The following TMEM201 variants were observed in gnomAD, a reference collection of about 807,000 sequenced individuals.
The protein encoded by TMEM201 is RP13-15M17.2.
A neutral mutation model predicts 63.4 loss-of-function variants in TMEM201; 26 were observed. The observed-to-expected ratio is 0.41, with a 90% CI of 0.30 to 0.57. The LOEUF (loss-of-function observed/expected upper bound fraction) is 0.57, where lower values mean the gene tolerates loss of function less well. TMEM201 is among the 20% of genes least tolerant of loss of function. The probability of loss-of-function intolerance (pLI) is 0.29; values close to 1 mark genes in which losing one functional copy is unlikely to be tolerated. For synonymous variants in TMEM201, 417 were observed against 421.6 expected, an observed-to-expected ratio of 0.99 and a Z score of 0.14; for missense variants, 794 against 917.7, an observed-to-expected ratio of 0.87 and a Z score of 1.74.
At chr1:9,591,163 G>A (rs541713225) in intron 1 of TMEM201, among the ~76,000 whole-genome samples, 22 of 152,332 alleles carry the variant, frequency 1.4e-4, no homozygotes, top group Non-Finnish European at 2.8e-4. Context: ...GAGTCCTCTC[G>A]CTTCCATGGT....
chr1:9,599,282 C>A (rs890579027), intron 4 of TMEM201, among the ~76,000 whole-genome samples: 1 of 151,886 alleles, frequency 6.6e-6, no homozygotes, highest in African/African-American at 2.4e-5. Context: ...CAGTTTCACA[C>A]TGTCGCCCAG....
chr1:9,604,696 C>A lies in TMEM201; in HGVS notation c.1160+2424C>A, dbSNP rs56394030. 0.11 allele frequency: 113,046 copies of A among 985,858 alleles called. 6,701 individuals are homozygous for A. Among genetic ancestry groups the A allele is most frequent in the East Asian group, 0.18 (1,622 of 8,792 alleles). 61.1% of individuals were successfully genotyped at this position (985,858 alleles called of 1,614,324 possible). On this transcript the variant is annotated intron_variant, in intron 6 of 10. Coordinates refer to ENST00000340381, the MANE Select transcript of TMEM201 (RefSeq NM_001130924.3). This position sits in a 1 kb window ranked among gnomAD's most constrained non-coding sequence, Gnocchi z 4.1. ...CTTGAGGTCCCCACCCAGGCCAAGC[C>A]GGCCCCCCGTACCCCTTGCCTGGGA... is the stretch of plus-strand genomic sequence containing the variant.
At position 9,597,047 on chromosome 1, in the gene TMEM201, C is replaced by T. The variant is rs368297464; in HGVS notation, c.423C>T (p.Arg141=). 1.6e-5 allele frequency: 25 copies of T among 1,602,276 alleles called. No individual in the cohort carries two copies. The highest frequency in any genetic ancestry group is 1.9e-5 in the Non-Finnish European group (22 of 1,172,196). ...AGCAGCTGGCCGCCTTCGCTCCCCGCGAGGAGGTGAGGCCGGGTTGGGAGG... is the reference window on the plus strand; with the variant it reads ...AGCAGCTGGCCGCCTTCGCTCCCCGTGAGGAGGTGAGGCCGGGTTGGGAGG... The part of the protein sequence containing the change: ...KIKQLAAFAP[R]EEGRYDEEVE... Residue 141 remains arginine (R), a synonymous_variant, in exon 3 of 11, where the codon CGC becomes CGT. Transcript: ENST00000340381.
Position 9,607,882 on chromosome 1 carries a change from T to A in TMEM201, c.1393+93T>A, listed in dbSNP as rs550227732. The A allele has an allele frequency of 5.0e-6, 6 of 1,211,284 alleles. No homozygotes were observed. In the East Asian group the frequency reaches 1.6e-4, roughly 31 times the overall value. The allele number at this position is 1,211,284 out of a possible 1,614,324, so 75.0% of individuals were successfully genotyped here. A position where few individuals can be genotyped will look rare whatever the true frequency, so the allele number is the denominator to read the frequency against. On this transcript the variant is annotated intron_variant, in intron 7 of 10. Coordinates refer to ENST00000340381, the MANE Select transcript of TMEM201 (RefSeq NM_001130924.3). The surrounding 1 kb of genome is among the most constrained non-coding windows in gnomAD (Gnocchi z 5.4). The stretch of plus-strand genomic sequence containing the variant: ...TACATAGTGTAGGGAGGGCCGGGAG[T>A]GGTTAGTGTTCCTGCTGCAGAGACA...
At position 9,589,012 on chromosome 1, in the gene TMEM201, G is replaced by A; in HGVS notation, c.82G>A (p.Ala28Thr). 1 of 1,174,520 alleles carries A rather than the reference G, an allele frequency of 8.5e-7. No individual in the cohort carries two copies. Among genetic ancestry groups the A allele is most frequent in the Non-Finnish European group, 1.1e-6 (1 of 945,748 alleles). 72.8% of individuals were successfully genotyped at this position (1,174,520 alleles called of 1,614,324 possible). Reference protein sequence around the residue: ...GGLGVTACAAAGVLLYRIARR... With the variant: ...GGLGVTACAATGVLLYRIARR... The stretch of plus-strand genomic sequence containing the variant: ...CCTGGGGGTCACGGCGTGCGCCGCG[G>A]CCGGCGTGTTGCTCTACCGGATCGC... The change falls in exon 1 of 11, where the codon GCC becomes ACC. Residue 28 changes from alanine to threonine, a missense_variant. By Grantham distance (58) the Ala-to-Thr change is moderately conservative. Transcript: ENST00000340381.
Position 9,588,999 on chromosome 1 carries a change from G to C in TMEM201, c.69G>C (p.Thr23=). The part of the protein sequence containing the change: ...TAGLAGGLGV[T]ACAAAGVLLY... The stretch of plus-strand genomic sequence containing the variant: ...GCCTGGCCGGCGGCCTGGGGGTCAC[G>C]GCGTGCGCCGCGGCCGGCGTGTTGC... The change falls in exon 1 of 11, where the codon ACG becomes ACC. Residue 23 remains threonine, a synonymous_variant. Transcript: ENST00000340381. 1.7e-6 allele frequency: 2 copies of C among 1,188,336 alleles called. No homozygotes were observed. The highest frequency in any genetic ancestry group is 2.2e-5 in the South Asian group (1 of 45,276). 73.6% of individuals were successfully genotyped at this position (1,188,336 alleles called of 1,614,324 possible).
rs552824526 is a variant in TMEM201 at position 9,591,334 on chromosome 1, G to C, written c.113+2291G>C. Among the ~76,000 whole-genome samples, 6 of 152,328 alleles carry C rather than the reference G, an allele frequency of 3.9e-5. No homozygotes were observed. In the East Asian group the frequency reaches 7.7e-4, roughly 20 times the overall value. On this transcript the variant is annotated intron_variant, in intron 1 of 10. Transcript: ENST00000340381. ...ACATCACCCGGCTGTTAAATGGCAG[G>C]GCCCTGCCTCGCACCAGAACTTCAG... is the stretch of plus-strand genomic sequence containing the variant.
rs112078098 is a variant in TMEM201 at position 9,598,801 on chromosome 1, C to T, written c.606+176C>T. 8.4e-3 allele frequency among the ~76,000 whole-genome samples: 1,274 copies of T among 152,306 alleles called. 13 individuals are homozygous for T. The highest frequency in any genetic ancestry group is 0.029 in the African/African-American group (1,196 of 41,538). ...TTTTGCTGGGATTACAGGCACACGC[C>T]ACCACGCCTGGCTAATTTTGTATTT... On this transcript the variant is annotated intron_variant, in intron 4 of 10. Coordinates refer to ENST00000340381, the MANE Select transcript of TMEM201 (RefSeq NM_001130924.3).
chr1:9,588,994 G>T lies in TMEM201; in HGVS notation c.64G>T (p.Val22Phe), dbSNP rs1426147297. 4.2e-6 allele frequency: 5 copies of T among 1,200,380 alleles called. No individual in the cohort carries two copies. Among genetic ancestry groups the T allele is most frequent in the Non-Finnish European group, 5.2e-6 (5 of 958,986 alleles). The allele number at this position is 1,200,380 out of a possible 1,614,324, so 74.4% of individuals were successfully genotyped here. Residue 22 changes from valine to phenylalanine, a missense_variant, in exon 1 of 11, where the codon GTC (valine) becomes TTC (phenylalanine). Val to Phe is a conservative substitution (Grantham distance 50). Coordinates refer to ENST00000340381, the MANE Select transcript of TMEM201 (RefSeq NM_001130924.3). ...PTAGLAGGLG[V>F]TACAAAGVLL... ...GGCCGGCCTGGCCGGCGGCCTGGGG[G>T]TCACGGCGTGCGCCGCGGCCGGCGT...
In TMEM201 at chr1:9,603,512, A is replaced by G. The variant is rs2100500082; in HGVS notation, c.1160+1240A>G. 1 of 985,074 alleles carries G rather than the reference A, an allele frequency of 1.0e-6. No individual in the cohort carries two copies. Among genetic ancestry groups the G allele is most frequent in the African/African-American group, 1.7e-5 (1 of 57,158 alleles). 61.0% of individuals were successfully genotyped at this position (985,074 alleles called of 1,614,324 possible). Reference sequence around the variant, plus strand: ...TCCCTCAGGGCCCACATGTCCTGCCACTCGCCACTCTGAGCACGAGTTCAC... The same window carrying G: ...TCCCTCAGGGCCCACATGTCCTGCCGCTCGCCACTCTGAGCACGAGTTCAC... On this transcript the variant is annotated intron_variant, in intron 6 of 10. Coordinates refer to ENST00000340381, the MANE Select transcript of TMEM201 (RefSeq NM_001130924.3). This position sits in a 1 kb window ranked among gnomAD's most constrained non-coding sequence, Gnocchi z 4.5.
Position 9,610,632 on chromosome 1 carries a change from C to T in TMEM201, c.1592C>T (p.Ala531Val). 1 of 1,550,716 alleles carries T rather than the reference C, an allele frequency of 6.4e-7. No individual in the cohort carries two copies. The highest frequency in any genetic ancestry group is 8.7e-7 in the Non-Finnish European group (1 of 1,146,930). Residue 531 changes from alanine to valine, a missense_variant, in exon 9 of 11, where the codon GCC becomes GTC. Coordinates refer to ENST00000340381, the MANE Select transcript of TMEM201 (RefSeq NM_001130924.3). The surrounding 1 kb of genome is among the most constrained non-coding windows in gnomAD (Gnocchi z 4.9). ...CACCGCAGGCCCCTCATCAGCCCTGCCCGGCTCAACCTGAAGGGACAGAAG... is the reference window on the plus strand; with the variant it reads ...CACCGCAGGCCCCTCATCAGCCCTGTCCGGCTCAACCTGAAGGGACAGAAG... ...LRHRRPLISP[A>V]RLNLKGQKLL...
chr1:9,596,861 C>T lies in TMEM201; in HGVS notation c.237C>T (p.Asn79=), dbSNP rs1458634665. The stretch of plus-strand genomic sequence containing the variant: ...CGAGTCCCACCTCTCTCCCGCAGAA[C>T]GGCGACTACAACAAGCCGATCCCCG... ...HCEQYNGFQE[N]GDYNKPIPAQ... is the part of the protein sequence containing the mutation. Residue 79 remains asparagine (N), a splice_region_variant and synonymous_variant, in exon 3 of 11, where the codon AAC becomes AAT. Transcript: ENST00000340381. The T allele has an allele frequency of 3.8e-6, 6 of 1,584,046 alleles. No individual in the cohort carries two copies. The highest frequency in any genetic ancestry group is 2.3e-5 in the East Asian group (1 of 44,026).
intron 4 of TMEM201, among the ~76,000 whole-genome samples, chr1:9,599,679 G>A (rs1644098389): frequency 6.6e-6 from 1 of 151,884 alleles, no homozygotes; most frequent in African/African-American, 2.4e-5. Context: ...CTGGAGTGCA[G>A]TGGCGTGATC....
In TMEM201 at chr1:9,601,961, C is replaced by T. The variant is rs563273696; in HGVS notation, c.957-108C>T. ...TCCGAGCCCACACTGTCCCCTGGCT[C>T]TGGACTCTTCTGAGCAGGGCCAGGT... On this transcript the variant is annotated intron_variant, in intron 5 of 10. Coordinates refer to ENST00000340381, the MANE Select transcript of TMEM201 (RefSeq NM_001130924.3). 98 of 1,340,876 alleles carry T rather than the reference C, an allele frequency of 7.3e-5. No individual in the cohort carries two copies. The African/African-American group carries it at 1.3e-3, about 17-fold the overall frequency. The allele number at this position is 1,340,876 out of a possible 1,614,324, so 83.1% of individuals were successfully genotyped here.
Position 9,610,766 on chromosome 1 carries a change from C to A in TMEM201, c.1726C>A (p.Pro576Thr), listed in dbSNP as rs368585990. Reference protein sequence around the residue: ...SLFTMEPPHVPRKPPLQDVKH... With the variant: ...SLFTMEPPHVTRKPPLQDVKH... ...CTTCACCATGGAGCCGCCCCATGTT[C>A]CCCGGAAGCCGCCCCTGCAGGACGT... Residue 576 changes from proline (P) to threonine (T), a missense_variant, in exon 9 of 11, where the codon CCC becomes ACC. Physicochemically the swap from Pro to Thr is conservative, Grantham distance 38. Coordinates refer to ENST00000340381, the MANE Select transcript of TMEM201 (RefSeq NM_001130924.3). The surrounding 1 kb of genome is among the most constrained non-coding windows in gnomAD (Gnocchi z 4.9). The A allele has an allele frequency of 6.5e-7, 1 of 1,548,082 alleles. No individual in the cohort carries two copies. The highest frequency in any genetic ancestry group is 8.7e-7 in the Non-Finnish European group (1 of 1,145,076).
In TMEM201 at chr1:9,612,591, C is replaced by T. The variant is rs750815850; in HGVS notation, c.1904-395C>T. 9.2e-5 allele frequency among the ~76,000 whole-genome samples: 14 copies of T among 152,238 alleles called. No homozygotes were observed. The East Asian group carries it at 1.7e-3, about 19-fold the overall frequency. ...GAGGCCTTGGTGAGAACGCAGGCTG[C>T]GGCATGCAGCAGGTGGACCTGGGTT... On this transcript the variant is annotated intron_variant, in intron 10 of 10. Coordinates refer to ENST00000340381, the MANE Select transcript of TMEM201 (RefSeq NM_001130924.3).
chr1:9,606,877 G>A (rs1306665457), intron 6 of TMEM201, among the ~76,000 whole-genome samples: 2 of 152,188 alleles, frequency 1.3e-5, no homozygotes, highest in South Asian at 2.1e-4. Flanking sequence ...CGGTTTTGGC[G>A]TTGTCCTGTG....
At chr1:9,597,150 C>A in intron 3 of TMEM201, 97 bp downstream of exon 3, 1 of 1,374,526 alleles carries the variant, frequency 7.3e-7, no homozygotes, top group Non-Finnish European at 9.7e-7. Flanking sequence ...CTCTGGTCCT[C>A]TGGCCCCTGC....
rs1485403410 is a variant in TMEM201 at position 9,607,485 on chromosome 1, A to T, written c.1161-72A>T. On this transcript the variant is annotated intron_variant, in intron 6 of 10. Coordinates refer to ENST00000340381, the MANE Select transcript of TMEM201 (RefSeq NM_001130924.3). The surrounding 1 kb of genome is among the most constrained non-coding windows in gnomAD (Gnocchi z 5.4). ...CCTTGCACTGTGGGAGAGGGGTGGG[A>T]CCCACTGCAAGGCTGCCTCCAGGAC... 5 of 1,214,570 alleles carry T rather than the reference A, an allele frequency of 4.1e-6. No individual in the cohort carries two copies. Among genetic ancestry groups the T allele is most frequent in the African/African-American group, 1.5e-5 (1 of 66,304 alleles). 75.2% of individuals were successfully genotyped at this position (1,214,570 alleles called of 1,614,324 possible).
Sources: gnomAD v4.1 joint callset for allele counts (sites outside exome capture counted in the v4.1 genomes callset) on GRCh38, gnomAD v4.1.1 for gene constraint, Gnocchi (gnomAD v3.1) non-coding constraint, MANE v1.5 for transcripts, NCBI Gene and HGNC (gene_info 2026-07-23, HGNC 2026-07-21) for gene names.